Variants in RBM17 observed in about 807,000 individuals in gnomAD.
RBM17 encodes the protein splicing factor 45.
RBM17 carries 7 observed loss-of-function variants against 53.2 expected under a neutral mutation model. The ratio of observed to expected loss-of-function variants is 0.13; its 90% CI spans 0.07 to 0.25. The LOEUF (loss-of-function observed/expected upper bound fraction) is 0.25, where lower values mean the gene tolerates loss of function less well. Ranked by LOEUF, RBM17 falls within the 10% of genes least tolerant of loss-of-function variation. RBM17 has a pLI of 1.00. For synonymous variants in RBM17, 167 were observed against 178.1 expected (o/e 0.94, Z 0.50); for missense variants, 257 against 496.7 (o/e 0.52, Z 4.59).
In RBM17 at chr10:6,101,209, GCAAA is replaced by G. The variant is rs1247589684; in HGVS notation, c.124-59_124-56del. ...AGGGACCAGAAAGAAAATCTTTGTT[GCAAA>G]CAGTGTGAATTTTAATTTGAAACTT... is the stretch of plus-strand genomic sequence containing the variant. On this transcript the variant is annotated intron_variant, in intron 2 of 11. Coordinates refer to ENST00000379888, the MANE Select transcript of RBM17 (RefSeq NM_032905.5). The G allele has an allele frequency of 1.9e-5, 20 of 1,043,254 alleles. No homozygotes were observed. In the African/African-American group the frequency reaches 3.1e-4, roughly 16 times the overall value. The allele number at this position is 1,043,254 out of a possible 1,614,324, so 64.6% of individuals were successfully genotyped here.
chr10:6,106,367 C>A, intron 5 of RBM17, 129 bp downstream of exon 5: 1 of 634,870 alleles, frequency 1.6e-6, no homozygotes, highest in Non-Finnish European at 2.8e-6. Flanking sequence ...TTTCTGGAAT[C>A]CCAGCAATAC....
rs766411097 is a variant in RBM17, at chr10:6,101,364, C to T, written c.217C>T (p.Pro73Ser). The change falls in exon 3 of 12, where the codon CCG becomes TCG. Residue 73 changes from proline (P) to serine (S), a missense_variant. By Grantham distance (74) the Pro-to-Ser change is moderately conservative. Transcript: ENST00000379888. Reference sequence around the variant, plus strand: ...TGACCGGCAAATTGTGGACACTCCACCGCATGTAGCAGCTGGGCTGAAGGT... The same window carrying T: ...TGACCGGCAAATTGTGGACACTCCATCGCATGTAGCAGCTGGGCTGAAGGT... Reference protein sequence around the residue: ...SDDRQIVDTPPHVAAGLKDPV... With the variant: ...SDDRQIVDTPSHVAAGLKDPV... 26 of 1,612,436 alleles carry T rather than the reference C, an allele frequency of 1.6e-5. No individual in the cohort carries two copies. The East Asian group carries it at 5.6e-4, about 35-fold the overall frequency.
chr10:6,113,651 C>A, intron 9 of RBM17, 70 bp downstream of exon 9: 1 of 1,012,830 alleles, frequency 9.9e-7, no homozygotes, highest in South Asian at 1.3e-5. Context: ...CTACCCTGCT[C>A]CCCCTAAAAG....
intron 3 of RBM17, 75 bp from the exon 4 acceptor site, chr10:6,104,856 C>A: frequency 7.8e-7 from 1 of 1,284,572 alleles, no homozygotes; most frequent in Non-Finnish European, 1.1e-6. Context: ...ATCTCCCATA[C>A]GCTTTGACCT....
Position 6,112,090 on chromosome 10 carries a change from GTTGA to G in RBM17, c.705-119_705-116del. 1 of 951,520 alleles carries G rather than the reference GTTGA, an allele frequency of 1.1e-6. No homozygotes were observed. The highest frequency in any genetic ancestry group is 1.6e-5 in the South Asian group (1 of 62,078). 58.9% of individuals were successfully genotyped at this position (951,520 alleles called of 1,614,324 possible). On this transcript the variant is annotated intron_variant, in intron 7 of 11. Coordinates refer to ENST00000379888, the MANE Select transcript of RBM17 (RefSeq NM_032905.5). The surrounding 1 kb of genome is among the most constrained non-coding windows in gnomAD (Gnocchi z 4.4). ...CCACTCCTAGTTAATGAGTGACTTT[GTTGA>G]AGCCCCTGTGGAGCATGCACTCTCT... is the stretch of plus-strand genomic sequence containing the variant.
chr10:6,112,180 T>TA lies in RBM17; in HGVS notation c.705-28dup, dbSNP rs755485983. 1 of 1,604,454 alleles carries TA rather than the reference T, an allele frequency of 6.2e-7. No homozygotes were observed. The highest frequency in any genetic ancestry group is 1.3e-5 in the African/African-American group (1 of 74,802). On this transcript the variant is annotated intron_variant, in intron 7 of 11. Coordinates refer to ENST00000379888, the MANE Select transcript of RBM17 (RefSeq NM_032905.5). The surrounding 1 kb of genome is among the most constrained non-coding windows in gnomAD (Gnocchi z 4.4). Reference sequence around the variant, plus strand: ...TATCTCCAGTTGACGATGTCAAGGCTAAGAGTCCTTTCCCTTCTTCTCCTG... The same window carrying TA: ...TATCTCCAGTTGACGATGTCAAGGCTAAAGAGTCCTTTCCCTTCTTCTCCTG...
intron 1 of RBM17, among the ~76,000 whole-genome samples, chr10:6,093,822 A>G (rs1840526908): frequency 6.6e-6 from 1 of 152,238 alleles, no homozygotes; most frequent in Non-Finnish European, 1.5e-5. Context: ...ACCCATGTCT[A>G]AACACAAAAT....
At chr10:6,099,290 T>A (rs112982414) in intron 2 of RBM17, among the ~76,000 whole-genome samples, 1 of 151,910 alleles carries the variant, frequency 6.6e-6, no homozygotes, top group Non-Finnish European at 1.5e-5. Flanking sequence ...TTTTTTTTTT[T>A]AAGGGAAGTG....
rs752669725 is a variant in RBM17, at chr10:6,112,492, C to T, written c.856+131C>T. ...TGTGGCCAGAGGGAGAGGGCTGGCC[C>T]TGCCATCACTAGAACACAGGCCGTC... is the stretch of plus-strand genomic sequence containing the variant. On this transcript the variant is annotated intron_variant, in intron 8 of 11. Coordinates refer to ENST00000379888, the MANE Select transcript of RBM17 (RefSeq NM_032905.5). The surrounding 1 kb of genome is among the most constrained non-coding windows in gnomAD (Gnocchi z 4.4). The T allele has an allele frequency of 1.3e-5, 14 of 1,081,664 alleles. No homozygotes were observed. In the Admixed American group the frequency reaches 2.0e-4, roughly 16 times the overall value. The allele number at this position is 1,081,664 out of a possible 1,614,324, so 67.0% of individuals were successfully genotyped here.
chr10:6,093,817 T>G (rs1840526865), intron 1 of RBM17, among the ~76,000 whole-genome samples: 3 of 152,194 alleles, frequency 2.0e-5, no homozygotes. Context: ...ATGCGACCCA[T>G]GTCTAAACAC....
At chr10:6,100,780 C>G (rs1249094641) in intron 2 of RBM17, among the ~76,000 whole-genome samples, 1 of 152,144 alleles carries the variant, frequency 6.6e-6, no homozygotes, top group African/African-American at 2.4e-5. Flanking sequence ...GGGTAGTAAT[C>G]TGACAGGAGA....
chr10:6,092,570 C>G (rs548776399), intron 1 of RBM17, among the ~76,000 whole-genome samples: 2 of 152,214 alleles, frequency 1.3e-5, no homozygotes, highest in Non-Finnish European at 2.9e-5. Flanking sequence ...TAGTCTAGAT[C>G]CTGTCTTGTT....
chr10:6,100,314 A>G (rs1207829553), intron 2 of RBM17, among the ~76,000 whole-genome samples: 2 of 152,224 alleles, frequency 1.3e-5, no homozygotes, highest in African/African-American at 2.4e-5. Context: ...CATATGATCA[A>G]CCTTAGCATT....
At chr10:6,108,657 CTTTA>C (rs1301650193) in intron 5 of RBM17, 25 bp from the exon 6 acceptor site, 9 of 1,600,972 alleles carry the variant, frequency 5.6e-6, no homozygotes, top group Non-Finnish European at 7.7e-6. Flanking sequence ...CGGAAACCTC[CTTTA>C]ATGCTTGGAT....
At chr10:6,098,916 T>C (rs1391299724) in intron 2 of RBM17, among the ~76,000 whole-genome samples, 1 of 152,032 alleles carries the variant, frequency 6.6e-6, no homozygotes, top group East Asian at 1.9e-4. Flanking sequence ...CAATAGATAC[T>C]TACATGGAAG....
At chr10:6,101,420 T>C in intron 3 of RBM17, 33 bp downstream of exon 3, 1 of 1,395,918 alleles carries the variant, frequency 7.2e-7, no homozygotes, top group Non-Finnish European at 1.0e-6. Context: ...GCTTGATACG[T>C]GTCTCTGTTC....
At position 6,110,009 on chromosome 10, in the gene RBM17, G is replaced by A; in HGVS notation, c.586G>A (p.Glu196Lys). 6.2e-7 allele frequency: 1 copy of A among 1,609,120 alleles called. No homozygotes were observed. Reference sequence around the variant, plus strand: ...AGTACCCCGAGATTTTCCTTATGAAGAGGACTCAAGACCTCGATCACAGTC... The same window carrying A: ...AGTACCCCGAGATTTTCCTTATGAAAAGGACTCAAGACCTCGATCACAGTC... ...KELPRDFPYE[E>K]DSRPRSQSSK... is the part of the protein sequence containing the mutation. The change falls in exon 7 of 12, where the codon GAG becomes AAG. Residue 196 changes from glutamate to lysine, a missense_variant. Transcript: ENST00000379888.
chr10:6,112,410 C>T lies in RBM17; in HGVS notation c.856+49C>T. On this transcript the variant is annotated intron_variant, in intron 8 of 11. Coordinates refer to ENST00000379888, the MANE Select transcript of RBM17 (RefSeq NM_032905.5). This position sits in a 1 kb window ranked among gnomAD's most constrained non-coding sequence, Gnocchi z 4.4. Reference sequence around the variant, plus strand: ...ACTAGAGGGAAAGGACTGGCCCCATCCATATCAGACATGGCCAGTCTTGAT... The same window carrying T: ...ACTAGAGGGAAAGGACTGGCCCCATTCATATCAGACATGGCCAGTCTTGAT... 2.5e-6 allele frequency: 4 copies of T among 1,604,036 alleles called. No individual in the cohort carries two copies. Among genetic ancestry groups the T allele is most frequent in the Non-Finnish European group, 3.4e-6 (4 of 1,172,672 alleles).
intron 2 of RBM17, among the ~76,000 whole-genome samples, chr10:6,100,652 T>TTGGTA (rs1412387181): frequency 9.4e-6 from 1 of 106,862 alleles, no homozygotes; most frequent in Non-Finnish European, 1.9e-5. Context: ...TTCAGGAACT[T>TTGGTA]TGGTAGGATC....
Sources: allele counts gnomAD v4.1 joint callset (sites outside exome capture counted in the v4.1 genomes callset), GRCh38; gene constraint gnomAD v4.1.1; non-coding constraint Gnocchi (gnomAD v3.1); transcripts MANE v1.5; gene names NCBI Gene and HGNC (gene_info 2026-07-23, HGNC 2026-07-21).